PLK3: variants seen among roughly 807,000 people sequenced by gnomAD.
PLK3 encodes polo like kinase 3, also known as serine/threonine-protein kinase PLK3.
A neutral mutation model predicts 71.6 loss-of-function variants in PLK3; 41 were observed. The ratio of observed to expected loss-of-function variants is 0.57; its 90% CI spans 0.45 to 0.74. The LOEUF is 0.74. Among genes scored for constraint, PLK3 ranks in the 30% least tolerant of loss-of-function variants. The pLI is 0.00. For missense variants in PLK3, 791 were observed against 875.6 expected, an observed-to-expected ratio of 0.90 and a Z score of 1.22; for synonymous variants, 366 against 355.4, an observed-to-expected ratio of 1.03 and a Z score of -0.33.
In PLK3 at chr1:44,804,492, C is replaced by A. The variant is rs777571610; in HGVS notation, c.1496C>A (p.Ala499Asp). The A allele has an allele frequency of 6.2e-7, 1 of 1,614,084 alleles. No homozygotes were observed. The highest frequency in any genetic ancestry group is 2.2e-5 in the East Asian group (1 of 44,880). The change falls in exon 12 of 15, where the codon GCC becomes GAC. Residue 499 changes from alanine (A) to aspartate (D), a missense_variant. Physicochemically the swap from Ala to Asp is moderately radical, Grantham distance 126. Coordinates refer to ENST00000372201, the MANE Select transcript of PLK3 (RefSeq NM_004073.4). ...FNDGTHMALS[A>D]NRKTVHYNPT... ...GATGGCACACATATGGCCCTGTCGG[C>A]CAACAGAAAGTAAGTGCTGTTATGG... is the stretch of plus-strand genomic sequence containing the variant.
chr1:44,802,362 C>G (rs1177550051), intron 5 of PLK3, among the ~76,000 whole-genome samples: 1 of 151,966 alleles, frequency 6.6e-6, no homozygotes, highest in Non-Finnish European at 1.5e-5. Flanking sequence ...ACACAGATAG[C>G]GTATGTGGCA....
Position 44,801,158 on chromosome 1 carries a change from A to AGGT in PLK3, c.435+7_435+8insGTG. 6.7e-7 allele frequency: 1 copy of AGGT among 1,484,990 alleles called. No homozygotes were observed. Among genetic ancestry groups the AGGT allele is most frequent in the African/African-American group, 1.4e-5 (1 of 72,544 alleles). 92.0% of individuals were successfully genotyped at this position (1,484,990 alleles called of 1,614,324 possible). ...TGGAGCTCTGCAGCCGAAAGGTGAAAGATGGTGATTCCCGCAGGGATGAGA... is the reference window on the plus strand; with the variant it reads ...TGGAGCTCTGCAGCCGAAAGGTGAAAGGTGATGGTGATTCCCGCAGGGATGAGA... On this transcript the variant is annotated splice_region_variant and intron_variant, in intron 3 of 14. Transcript: ENST00000372201.
Position 44,803,935 on chromosome 1 carries a change from C to T in PLK3, c.1169C>T (p.Pro390Leu), listed in dbSNP as rs2148856279. ...VGHQDARPEA[P>L]AASGPAPVSL... is the part of the protein sequence containing the mutation. The stretch of plus-strand genomic sequence containing the variant: ...TTTCCCTGCCCAACCCTCCAGGCTC[C>T]AGCAGCTTCTGGCCCAGCCCCTGTC... Residue 390 changes from proline to leucine, a missense_variant, in exon 10 of 15, where the codon CCA becomes CTA. Physicochemically the swap from Pro to Leu is moderately conservative, Grantham distance 98. Transcript: ENST00000372201. This position sits in a 1 kb window ranked among gnomAD's most constrained non-coding sequence, Gnocchi z 4.3. 6.5e-7 allele frequency: 1 copy of T among 1,549,956 alleles called. No homozygotes were observed. The highest frequency in any genetic ancestry group is 1.8e-4 in the Middle Eastern group (1 of 5,640).
At position 44,805,623 on chromosome 1, in the gene PLK3, T is replaced by G. The variant is rs1363100143; in HGVS notation, c.1886T>G (p.Leu629Arg). The G allele has an allele frequency of 1.2e-6, 2 of 1,613,946 alleles. No individual in the cohort carries two copies. The highest frequency in any genetic ancestry group is 2.7e-5 in the African/African-American group (2 of 74,944). The change falls in exon 15 of 15, where the codon CTG becomes CGG. Residue 629 changes from leucine (L) to arginine (R), a missense_variant. Coordinates refer to ENST00000372201, the MANE Select transcript of PLK3 (RefSeq NM_004073.4). ...HLRQLGCSPD[L>R]RQRLRYALRL... ...CGGCAGCTGGGCTGCTCTCCAGACC[T>G]GCGGCAGCGACTCCGCTATGCTCTG...
chr1:44,803,487 T>C lies in PLK3; in HGVS notation c.1072+96T>C, dbSNP rs1473198046. ...GTGAGTGTGGGTGCCTGGAAACTCC[T>C]GGGGAGAGCATGTGCAGTACAGGCA... is the stretch of plus-strand genomic sequence containing the variant. On this transcript the variant is annotated intron_variant, in intron 8 of 14. Coordinates refer to ENST00000372201, the MANE Select transcript of PLK3 (RefSeq NM_004073.4). The surrounding 1 kb of genome is among the most constrained non-coding windows in gnomAD (Gnocchi z 4.3). 2.3e-5 allele frequency: 36 copies of C among 1,594,226 alleles called. No homozygotes were observed. The highest frequency in any genetic ancestry group is 1.3e-5 in the African/African-American group (1 of 74,528).
chr1:44,802,750 C>T lies in PLK3; in HGVS notation c.654-10C>T. Reference sequence around the variant, plus strand: ...CTCAGCCTTCTCTCCTCCTCCCCACCCTCTTTCAGGACCATCTGTGGCACC... The same window carrying T: ...CTCAGCCTTCTCTCCTCCTCCCCACTCTCTTTCAGGACCATCTGTGGCACC... On this transcript the variant is annotated splice_polypyrimidine_tract_variant and intron_variant, in intron 5 of 14. Transcript: ENST00000372201. 2 of 1,603,582 alleles carry T rather than the reference C, an allele frequency of 1.2e-6. No homozygotes were observed. Among genetic ancestry groups the T allele is most frequent in the Non-Finnish European group, 1.7e-6 (2 of 1,171,550 alleles).
chr1:44,803,092 G>C lies in PLK3; in HGVS notation c.887G>C (p.Arg296Pro). 3 of 1,613,818 alleles carry C rather than the reference G, an allele frequency of 1.9e-6. No homozygotes were observed. The highest frequency in any genetic ancestry group is 2.5e-6 in the Non-Finnish European group (3 of 1,179,988). ...CGGCAGCTCCTGGCCGCCATCCTTC[G>C]GGCCTCACCCCGAGACCGCCCCTCT... ...PARQLLAAIL[R>P]ASPRDRPSID... The change falls in exon 7 of 15, where the codon CGG (arginine) becomes CCG (proline). Residue 296 changes from arginine (R) to proline (P), a missense_variant. Coordinates refer to ENST00000372201, the MANE Select transcript of PLK3 (RefSeq NM_004073.4). This position sits in a 1 kb window ranked among gnomAD's most constrained non-coding sequence, Gnocchi z 4.3.
rs1354658648 is a variant in PLK3 at position 44,801,766 on chromosome 1, C to T, written c.565+15C>T. 1 of 1,337,694 alleles carries T rather than the reference C, an allele frequency of 7.5e-7. No individual in the cohort carries two copies. The highest frequency in any genetic ancestry group is 1.0e-6 in the Non-Finnish European group (1 of 982,478). The allele number at this position is 1,337,694 out of a possible 1,614,324, so 82.9% of individuals were successfully genotyped here. ...CCTCAAGTTGGGTGAGACTCCTGAG[C>T]CTGGAGGATGGGAGGTTGGGGAGGG... On this transcript the variant is annotated intron_variant, in intron 4 of 14. Transcript: ENST00000372201.
rs1652028039 is a variant in PLK3 at position 44,805,977 on chromosome 1, A to G, written c.*299A>G. 1.3e-6 allele frequency: 2 copies of G among 1,520,550 alleles called. No individual in the cohort carries two copies. Among genetic ancestry groups the G allele is most frequent in the African/African-American group, 2.8e-5 (2 of 72,126 alleles). The allele number at this position is 1,520,550 out of a possible 1,614,324, so 94.2% of individuals were successfully genotyped here. A position where few individuals can be genotyped will look rare whatever the true frequency, so the allele number is the denominator to read the frequency against. ...GGGGGGCCTCCTCCTAGGATAATAA[A>G]CAATTTTGCAGAATTGGACTCCCCC... On this transcript the variant is annotated 3_prime_UTR_variant, in exon 15 of 15. Coordinates refer to ENST00000372201, the MANE Select transcript of PLK3 (RefSeq NM_004073.4).
chr1:44,802,335 C>T (rs1438457438), intron 5 of PLK3, among the ~76,000 whole-genome samples: 1 of 152,050 alleles, frequency 6.6e-6, no homozygotes, highest in East Asian at 1.9e-4. Flanking sequence ...CTGTGGCCAT[C>T]ATACTTTGTG....
rs748937385 is a variant in PLK3 at position 44,800,396 on chromosome 1, C to G, written c.-68C>G. 2.4e-6 allele frequency: 3 copies of G among 1,239,208 alleles called. No homozygotes were observed. Among genetic ancestry groups the G allele is most frequent in the South Asian group, 5.6e-5 (2 of 35,998 alleles). The allele number at this position is 1,239,208 out of a possible 1,614,324, so 76.8% of individuals were successfully genotyped here. Reference sequence around the variant, plus strand: ...GCCAGCGCAGCGTAGCAAATCCAGGCAGCGCCACGCGCGGCCGGGGCCGGG... The same window carrying G: ...GCCAGCGCAGCGTAGCAAATCCAGGGAGCGCCACGCGCGGCCGGGGCCGGG... On this transcript the variant is annotated 5_prime_UTR_variant, in exon 1 of 15. Transcript: ENST00000372201. The surrounding 1 kb of genome is among the most constrained non-coding windows in gnomAD (Gnocchi z 6.5).
chr1:44,802,796 A>G lies in PLK3; in HGVS notation c.690A>G (p.Glu230=). The G allele has an allele frequency of 1.2e-6, 2 of 1,613,800 alleles. No homozygotes were observed. Among genetic ancestry groups the G allele is most frequent in the Non-Finnish European group, 1.7e-6 (2 of 1,179,910 alleles). The change falls in exon 6 of 15, where the codon GAA becomes GAG. Residue 230 remains glutamate, a synonymous_variant. Transcript: ENST00000372201. ...GCACCCCCAACTATGTGGCTCCAGA[A>G]GTGCTGCTGAGACAGGGCCACGGCC... is the stretch of plus-strand genomic sequence containing the variant. ...ICGTPNYVAP[E]VLLRQGHGPE... is the part of the protein sequence containing the mutation.
chr1:44,801,299 T>C, intron 3 of PLK3, 147 bp downstream of exon 3: 1 of 598,364 alleles, frequency 1.7e-6, no homozygotes, highest in Admixed American at 3.3e-5. Flanking sequence ...AATCTCTGCC[T>C]CCCGGGTTCA....
At position 44,803,245 on chromosome 1, in the gene PLK3, G is replaced by A. The variant is rs1573612513; in HGVS notation, c.949-23G>A. On this transcript the variant is annotated intron_variant, in intron 7 of 14. Transcript: ENST00000372201. The surrounding 1 kb of genome is among the most constrained non-coding windows in gnomAD (Gnocchi z 4.3). ...AGGACCCCTGGAGCCTCTCTTCTCT[G>A]TTCACATGGTTCCCCTCCCTAGGGC... 1 of 1,613,642 alleles carries A rather than the reference G, an allele frequency of 6.2e-7. No homozygotes were observed. Among genetic ancestry groups the A allele is most frequent in the African/African-American group, 1.3e-5 (1 of 74,974 alleles).
At chr1:44,805,026 C>A in intron 13 of PLK3, 1 of 579,898 alleles carries the variant, frequency 1.7e-6, no homozygotes, top group African/African-American at 1.9e-5. Flanking sequence ...AATGGGCGAA[C>A]CCAGGAGGCG....
chr1:44,803,617 G>A lies in PLK3; in HGVS notation c.1090G>A (p.Glu364Lys), dbSNP rs746346184. 1.9e-6 allele frequency: 3 copies of A among 1,613,954 alleles called. No individual in the cohort carries two copies. The Admixed American group carries it at 5.0e-5, about 27-fold the overall frequency. ...ACCCCCAGGTAAGAATCATGCCCAG[G>A]AGAGGGATGAGGTCTCCGGTTTGGT... is the stretch of plus-strand genomic sequence containing the variant. ...RKKKSKNHAQ[E>K]RDEVSGLVSG... is the part of the protein sequence containing the mutation. The change falls in exon 9 of 15, where the codon GAG becomes AAG. Residue 364 changes from glutamate (E) to lysine (K), a missense_variant. By Grantham distance (56) the Glu-to-Lys change is moderately conservative. Transcript: ENST00000372201. This position sits in a 1 kb window ranked among gnomAD's most constrained non-coding sequence, Gnocchi z 4.3.
At chr1:44,802,023 G>A in intron 5 of PLK3, 91 bp downstream of exon 5, 2 of 938,048 alleles carry the variant, frequency 2.1e-6, no homozygotes, top group South Asian at 1.5e-5. Flanking sequence ...GTGACTGCCT[G>A]ATGTGTGCAT....
rs747140675 is a variant in PLK3 at position 44,803,762 on chromosome 1, A to G, written c.1164+71A>G. 1 of 1,296,282 alleles carries G rather than the reference A, an allele frequency of 7.7e-7. No individual in the cohort carries two copies. The highest frequency in any genetic ancestry group is 1.1e-6 in the Non-Finnish European group (1 of 911,078). 80.3% of individuals were successfully genotyped at this position (1,296,282 alleles called of 1,614,324 possible). On this transcript the variant is annotated intron_variant, in intron 9 of 14. Transcript: ENST00000372201. The surrounding 1 kb of genome is among the most constrained non-coding windows in gnomAD (Gnocchi z 4.3). ...TAGCAGCTGAGGGAAGCCGGGGATA[A>G]AAGAGGCTGCTGAAGCATCCAGCCT...
Position 44,800,863 on chromosome 1 carries a change from G to T in PLK3, c.234G>T (p.Glu78Asp). The part of the protein sequence containing the change: ...LGKGGFARCY[E>D]ATDTETGSAY... The stretch of plus-strand genomic sequence containing the variant: ...AGGGGGGCTTCGCCCGCTGCTACGA[G>T]GCCACTGACACAGAGACTGGCAGCG... Residue 78 changes from glutamate to aspartate, a missense_variant, in exon 2 of 15, where the codon GAG becomes GAT. Glu to Asp is a conservative substitution (Grantham distance 45). Coordinates refer to ENST00000372201, the MANE Select transcript of PLK3 (RefSeq NM_004073.4). This position sits in a 1 kb window ranked among gnomAD's most constrained non-coding sequence, Gnocchi z 6.5. The T allele has an allele frequency of 6.2e-7, 1 of 1,611,284 alleles. No individual in the cohort carries two copies. The highest frequency in any genetic ancestry group is 8.5e-7 in the Non-Finnish European group (1 of 1,179,734).
Sources: gnomAD v4.1 joint callset for allele counts (sites outside exome capture counted in the v4.1 genomes callset) on GRCh38, gnomAD v4.1.1 for gene constraint, Gnocchi (gnomAD v3.1) non-coding constraint, MANE v1.5 for transcripts, NCBI Gene and HGNC (gene_info 2026-07-23, HGNC 2026-07-21) for gene names.